Variants in SLC23A2 observed in about 807,000 individuals in gnomAD.
The protein encoded by SLC23A2 is solute carrier family 23 member 2.
In SLC23A2, 36 loss-of-function variants were observed where a neutral mutation model predicts 73.3. The ratio of observed to expected loss-of-function variants is 0.49; its 90% CI spans 0.38 to 0.65. SLC23A2 has a LOEUF of 0.65. Among genes scored for constraint, SLC23A2 ranks in the 30% least tolerant of loss-of-function variants. The pLI, the probability that SLC23A2 is intolerant of heterozygous loss-of-function variation, is 0.00. For missense variants in SLC23A2, 507 were observed against 841.6 expected, an observed-to-expected ratio of 0.60 and a Z score of 4.92; for synonymous variants, 343 against 327.3, an observed-to-expected ratio of 1.05 and a Z score of -0.52.
chr20:4,989,924 G>A lies in SLC23A2; in HGVS notation c.-282+11482C>T, dbSNP rs367862050. Among the ~76,000 whole-genome samples the A allele has an allele frequency of 1.2e-4, 18 of 152,030 alleles. No individual in the cohort carries two copies. The East Asian group carries it at 2.9e-3, about 24-fold the overall frequency. On this transcript the variant is annotated intron_variant, in intron 1 of 16. Transcript: ENST00000338244. ...CACGGTGCTATTACATTTTCCTCACGGACACACCAAAGGACTCCACTTCCC... is the reference window on the plus strand; with the variant it reads ...CACGGTGCTATTACATTTTCCTCACAGACACACCAAAGGACTCCACTTCCC...
intron 2 of SLC23A2, among the ~76,000 whole-genome samples, chr20:4,957,464 A>C (rs1364154269): frequency 6.6e-6 from 1 of 151,980 alleles, no homozygotes; most frequent in Admixed American, 6.6e-5. Context: ...ATCTCTAAAA[A>C]TTAATTTTAA....
intron 2 of SLC23A2, among the ~76,000 whole-genome samples, chr20:4,953,379 T>A (rs1323077008): frequency 6.6e-6 from 1 of 151,876 alleles, no homozygotes; most frequent in African/African-American, 2.4e-5. Flanking sequence ...AAAGATTACA[T>A]TAATAAAGAC....
intron 1 of SLC23A2, among the ~76,000 whole-genome samples, chr20:4,997,526 T>A (rs1484578439): frequency 6.6e-6 from 1 of 151,494 alleles, no homozygotes; most frequent in Non-Finnish European, 1.5e-5. Context: ...GAATTCATTA[T>A]ATTGAAGCCC....
chr20:4,993,331 T>C, intron 1 of SLC23A2, among the ~76,000 whole-genome samples: 1 of 135,272 alleles, frequency 7.4e-6, no homozygotes, highest in Admixed American at 8.0e-5. Context: ...AAGGAAACGC[T>C]CACTGAAGCA....
Position 4,863,403 on chromosome 20 carries a change from T to C in SLC23A2, c.1357-496A>G, listed in dbSNP as rs1208329270. Among the ~76,000 whole-genome samples, 1 of 152,250 alleles carries C rather than the reference T, an allele frequency of 6.6e-6. No individual in the cohort carries two copies. Among genetic ancestry groups the C allele is most frequent in the Non-Finnish European group, 1.5e-5 (1 of 68,038 alleles). ...ACATCTGGAGCCTGACTGCGGGCTC[T>C]TCTCCTGGCCCACGTCTGACTGTAT... On this transcript the variant is annotated intron_variant, in intron 13 of 16. Transcript: ENST00000338244. This position sits in a 1 kb window ranked among gnomAD's most constrained non-coding sequence, Gnocchi z 4.8.
chr20:4,996,623 T>A (rs2088024253), intron 1 of SLC23A2, among the ~76,000 whole-genome samples: 1 of 144,314 alleles, frequency 6.9e-6, no homozygotes, highest in African/African-American at 2.6e-5. Context: ...GAGGCAGAAG[T>A]TGCAATGAGC....
At chr20:4,949,918 G>A (rs2087173843) in intron 2 of SLC23A2, among the ~76,000 whole-genome samples, 1 of 152,200 alleles carries the variant, frequency 6.6e-6, no homozygotes, top group Non-Finnish European at 1.5e-5. Context: ...CTGTGCCGGT[G>A]TCTGTGCAAC....
At chr20:4,903,101 T>C (rs1931813036) in intron 4 of SLC23A2, among the ~76,000 whole-genome samples, 1 of 151,758 alleles carries the variant, frequency 6.6e-6, no homozygotes, top group African/African-American at 2.4e-5. Context: ...AATTCTAAAG[T>C]ATATAAACAC....
In SLC23A2 at chr20:4,883,366, A is replaced by T. The variant is rs761453168; in HGVS notation, c.824+276T>A. ...TGGCAAGACCTCAAAAGTCAAAAAC[A>T]AATGGCGCCACTACCTTACCCCACT... On this transcript the variant is annotated intron_variant, in intron 9 of 16. Transcript: ENST00000338244. The surrounding 1 kb of genome is among the most constrained non-coding windows in gnomAD (Gnocchi z 4.5). Among the ~76,000 whole-genome samples, 7 of 152,186 alleles carry T rather than the reference A, an allele frequency of 4.6e-5. No individual in the cohort carries two copies. Among genetic ancestry groups the T allele is most frequent in the Non-Finnish European group, 8.8e-5 (6 of 68,040 alleles).
At chr20:4,958,619 G>A (rs2087329948) in intron 2 of SLC23A2, among the ~76,000 whole-genome samples, 1 of 151,718 alleles carries the variant, frequency 6.6e-6, no homozygotes, top group Non-Finnish European at 1.5e-5. Context: ...GTAGAGATGA[G>A]GTTTCACCAT....
intron 9 of SLC23A2, among the ~76,000 whole-genome samples, chr20:4,879,107 A>G (rs1930773886): frequency 6.6e-6 from 1 of 152,210 alleles, no homozygotes; most frequent in African/African-American, 2.4e-5. Context: ...TATCTTACGC[A>G]TAAAGATCCT....
intron 3 of SLC23A2, among the ~76,000 whole-genome samples, chr20:4,919,601 T>C (rs960853272): frequency 6.6e-6 from 1 of 152,202 alleles, no homozygotes; most frequent in Admixed American, 6.5e-5. Flanking sequence ...TGGTGACTGC[T>C]ACTGTCTGCC....
intron 5 of SLC23A2, among the ~76,000 whole-genome samples, chr20:4,900,071 G>C (rs1179414467): frequency 2.0e-5 from 3 of 151,600 alleles, no homozygotes; most frequent in Non-Finnish European, 4.4e-5. Context: ...GGTTTTCACC[G>C]TGTTGGCAAA....
At chr20:4,991,970 C>T (rs566466296) in intron 1 of SLC23A2, among the ~76,000 whole-genome samples, 17 of 151,192 alleles carry the variant, frequency 1.1e-4, no homozygotes, top group Non-Finnish European at 7.4e-5. Flanking sequence ...ATTAGCCAGG[C>T]GTGGTGGCAC....
At chr20:4,996,856 T>C (rs1287969235) in intron 1 of SLC23A2, among the ~76,000 whole-genome samples, 8 of 151,844 alleles carry the variant, frequency 5.3e-5, no homozygotes, top group South Asian at 2.1e-4. Context: ...AAGTCGAAAA[T>C]TGGGACAAAG....
intron 3 of SLC23A2, among the ~76,000 whole-genome samples, chr20:4,915,372 C>A (rs1932287068): frequency 1.3e-5 from 2 of 152,116 alleles, no homozygotes; most frequent in African/African-American, 2.4e-5. Context: ...AGACATACTC[C>A]AAAATGCTAA....
At chr20:4,915,226 G>A (rs1168382174) in intron 3 of SLC23A2, among the ~76,000 whole-genome samples, 3 of 152,130 alleles carry the variant, frequency 2.0e-5, no homozygotes, top group Non-Finnish European at 2.9e-5. Context: ...TGCTGCCTTA[G>A]GGACAAGAAC....
chr20:4,945,716 A>G (rs985625992), intron 2 of SLC23A2, among the ~76,000 whole-genome samples: 3 of 152,212 alleles, frequency 2.0e-5, no homozygotes, highest in African/African-American at 4.8e-5. Flanking sequence ...CTCAAAAGAC[A>G]GGGGTAACCG....
rs768685613 is a variant in SLC23A2 at position 4,870,034 on chromosome 20, G to A, written c.1122C>T (p.Thr374=). 10 of 1,610,098 alleles carry A rather than the reference G, an allele frequency of 6.2e-6. No homozygotes were observed. The highest frequency in any genetic ancestry group is 2.7e-5 in the African/African-American group (2 of 74,804). ...VPYPFQWGLP[T]VSAAGVIGML... ...TGCCGATGACACCGGCCGCAGACACGGTGGGCAGTCCCCACTGAACTGTGG... is the reference window on the plus strand; with the variant it reads ...TGCCGATGACACCGGCCGCAGACACAGTGGGCAGTCCCCACTGAACTGTGG... The change falls in exon 12 of 17, where the codon ACC becomes ACT. Residue 374 remains threonine (T), a synonymous_variant. Transcript: ENST00000338244.
Sources: gnomAD v4.1 joint callset for allele counts (sites outside exome capture counted in the v4.1 genomes callset) on GRCh38, gnomAD v4.1.1 for gene constraint, Gnocchi (gnomAD v3.1) non-coding constraint, MANE v1.5 for transcripts, NCBI Gene and HGNC (gene_info 2026-07-23, HGNC 2026-07-21) for gene names.